GRIN1: variants seen among roughly 807,000 people sequenced by gnomAD.
GRIN1 encodes glutamate ionotropic receptor NMDA type subunit 1.
GRIN1 carries 38 observed loss-of-function variants against 103.0 expected under a neutral mutation model. That is an observed-to-expected ratio of 0.37 (90% CI 0.28 to 0.48). The LOEUF (loss-of-function observed/expected upper bound fraction) is 0.48. Among genes scored for constraint, GRIN1 ranks in the 20% least tolerant of loss-of-function variants. GRIN1 has a pLI of 0.98. For missense variants in GRIN1, 577 were observed against 1,288.9 expected, an observed-to-expected ratio of 0.45 and a Z score of 8.46; for synonymous variants, 544 against 532.7, an observed-to-expected ratio of 1.02 and a Z score of -0.29.
At chr9:137,152,552 C>T (rs1034398321) in intron 4 of GRIN1, among the ~76,000 whole-genome samples, 1 of 152,198 alleles carries the variant, frequency 6.6e-6, no homozygotes, top group Non-Finnish European at 1.5e-5. Flanking sequence ...TGCCCAGGTC[C>T]CCACAGAGAG....
intron 6 of GRIN1, among the ~76,000 whole-genome samples, chr9:137,158,178 G>A (rs932119976): frequency 2.6e-5 from 4 of 152,220 alleles, no homozygotes; most frequent in Admixed American, 6.5e-5. Flanking sequence ...CAGATACCAC[G>A]GTGTCCAGGG....
intron 18 of GRIN1, chr9:137,164,255 A>G: frequency 2.6e-6 from 1 of 385,128 alleles, no homozygotes; most frequent in Non-Finnish European, 5.0e-6. Context: ...CGTGAGTCCA[A>G]GATGCATTTT....
intron 4 of GRIN1, among the ~76,000 whole-genome samples, chr9:137,151,861 T>C (rs1242553961): frequency 6.7e-6 from 1 of 150,176 alleles, no homozygotes; most frequent in Admixed American, 6.7e-5. Context: ...AGACGGGGTT[T>C]CACCATGTTG....
chr9:137,139,418 A>G lies in GRIN1; in HGVS notation c.-69A>G. The stretch of plus-strand genomic sequence containing the variant: ...CCGGGCGAGCGCAGGACGGCCCGGA[A>G]GCCCCGCGGGGGATGCGCCGAGGGC... On this transcript the variant is annotated 5_prime_UTR_variant, in exon 1 of 20. Coordinates refer to ENST00000371561, the MANE Select transcript of GRIN1 (RefSeq NM_007327.4). This position sits in a 1 kb window ranked among gnomAD's most constrained non-coding sequence, Gnocchi z 7.7. 8.3e-7 allele frequency: 1 copy of G among 1,207,040 alleles called. No homozygotes were observed. Among genetic ancestry groups the G allele is most frequent in the Non-Finnish European group, 1.1e-6 (1 of 939,530 alleles). 74.8% of individuals were successfully genotyped at this position (1,207,040 alleles called of 1,614,324 possible). A position where few individuals can be genotyped will look rare whatever the true frequency, so the allele number is the denominator to read the frequency against.
intron 2 of GRIN1, among the ~76,000 whole-genome samples, chr9:137,142,619 C>T (rs1009386958): frequency 3.9e-5 from 6 of 152,306 alleles, no homozygotes; most frequent in Admixed American, 2.6e-4. Flanking sequence ...CCCCTCAGGA[C>T]GAGAGGGCCC....
chr9:137,161,289 C>T lies in GRIN1; in HGVS notation c.1340C>T (p.Pro447Leu), dbSNP rs587780348. 3.7e-6 allele frequency: 6 copies of T among 1,612,348 alleles called. No individual in the cohort carries two copies. Among genetic ancestry groups the T allele is most frequent in the Non-Finnish European group, 5.1e-6 (6 of 1,179,626 alleles). The change falls in exon 10 of 20, where the codon CCC (proline) becomes CTC (leucine). Residue 447 changes from proline to leucine, a missense_variant and splice_region_variant. Around this residue, in one of 9 missense-constraint regions of GRIN1, gnomAD observed 96 missense variants for 145.0 expected, o/e 0.66. Transcript: ENST00000371561. ...GCAGTTACCGCCCGCACCTACCCAG[C>T]CCGCCACACGGTGCCTCAGTGTTGC... is the stretch of plus-strand genomic sequence containing the variant. ...TGPNDTSPGS[P>L]RHTVPQCCYG...
At chr9:137,144,061 G>T (rs1449718680) in intron 2 of GRIN1, among the ~76,000 whole-genome samples, 1 of 152,176 alleles carries the variant, frequency 6.6e-6, no homozygotes, top group Non-Finnish European at 1.5e-5. Flanking sequence ...AATTTGGGAG[G>T]ACTCTATGGG....
chr9:137,145,928 G>A lies in GRIN1; in HGVS notation c.570+26G>A, dbSNP rs763297269. On this transcript the variant is annotated intron_variant, in intron 3 of 19. Coordinates refer to ENST00000371561, the MANE Select transcript of GRIN1 (RefSeq NM_007327.4). ...GTGAGGGTCGGCGCCGCGGGTGGGC[G>A]CCTGGCGGAGCCGAGGTGCAGGACG... 1.7e-5 allele frequency: 26 copies of A among 1,545,340 alleles called. No individual in the cohort carries two copies. The East Asian group carries it at 3.1e-4, about 18-fold the overall frequency.
chr9:137,142,226 A>G, intron 2 of GRIN1, 79 bp downstream of exon 2: 3 of 1,445,148 alleles, frequency 2.1e-6, no homozygotes, highest in Non-Finnish European at 2.9e-6. Flanking sequence ...CAGCGGGCCG[A>G]CCCGCTCACA....
chr9:137,160,687 C>T (rs1293051705), intron 8 of GRIN1, among the ~76,000 whole-genome samples: 2 of 152,198 alleles, frequency 1.3e-5, no homozygotes, highest in African/African-American at 4.8e-5. Flanking sequence ...GCCTCGGCCT[C>T]CCAAAGTGCT....
At chr9:137,149,195 T>G in intron 4 of GRIN1, 86 bp downstream of exon 4, 1 of 943,460 alleles carries the variant, frequency 1.1e-6, no homozygotes, top group Non-Finnish European at 1.7e-6. Context: ...TGGGACATTG[T>G]TGGGCACAGT....
chr9:137,143,916 G>A (rs764969282), intron 2 of GRIN1, among the ~76,000 whole-genome samples: 2 of 152,190 alleles, frequency 1.3e-5, no homozygotes, highest in Non-Finnish European at 2.9e-5. Context: ...CTCCACTCCC[G>A]GCCATGCCAC....
intron 4 of GRIN1, among the ~76,000 whole-genome samples, chr9:137,149,508 G>A (rs1306885984): frequency 6.6e-6 from 1 of 152,220 alleles, no homozygotes; most frequent in Non-Finnish European, 1.5e-5. Context: ...AGGCGAAAAG[G>A]CCCACAGCAG....
rs1833617930 is a variant in GRIN1, at chr9:137,162,573, C to A, written c.1865-18C>A. 1.2e-6 allele frequency: 2 copies of A among 1,610,492 alleles called. No individual in the cohort carries two copies. The highest frequency in any genetic ancestry group is 1.3e-5 in the African/African-American group (1 of 74,984). On this transcript the variant is annotated intron_variant, in intron 13 of 19. Transcript: ENST00000371561. ...CTCGGCCCTCTAGGGTCTGACAGAG[C>A]CCCCCGCCCGCCCACAGGCGCCCCC... is the stretch of plus-strand genomic sequence containing the variant.
intron 3 of GRIN1, chr9:137,148,258 C>G: frequency 2.2e-6 from 3 of 1,369,286 alleles, no homozygotes; most frequent in Non-Finnish European, 2.0e-6. Context: ...CTAGGGAGCC[C>G]TGGCCTCGGC....
chr9:137,164,851 C>T (rs1833779156), intron 18 of GRIN1: 22 of 374,774 alleles, frequency 5.9e-5, no homozygotes, highest in South Asian at 4.0e-4. Context: ...GCCTGAGGGG[C>T]AACTCCTCCA....
At chr9:137,149,501 C>T (rs1327543919) in intron 4 of GRIN1, among the ~76,000 whole-genome samples, 4 of 152,144 alleles carry the variant, frequency 2.6e-5, no homozygotes, top group Non-Finnish European at 4.4e-5. Context: ...GTGTGCCAGG[C>T]GAAAAGGCCC....
In GRIN1 at chr9:137,146,315, A is replaced by C; in HGVS notation, c.570+413A>C. ...TCTCCCCTGTACACGACCCCCACAT[A>C]CCGCCCCTGCAGGCCTGTCCCCTCC... is the stretch of plus-strand genomic sequence containing the variant. On this transcript the variant is annotated intron_variant, in intron 3 of 19. Transcript: ENST00000371561. The surrounding 1 kb of genome is among the most constrained non-coding windows in gnomAD (Gnocchi z 6.7). Among the ~76,000 whole-genome samples, 3 of 147,646 alleles carry C rather than the reference A, an allele frequency of 2.0e-5. No individual in the cohort carries two copies. The highest frequency in any genetic ancestry group is 2.5e-5 in the African/African-American group (1 of 39,508).
intron 8 of GRIN1, among the ~76,000 whole-genome samples, chr9:137,160,630 C>T (rs1833482011): frequency 6.6e-6 from 1 of 152,190 alleles, no homozygotes; most frequent in East Asian, 1.9e-4. Context: ...CGGGGTTTCA[C>T]CGTGTTAGCC....
Sources: gnomAD v4.1 joint callset for allele counts (sites outside exome capture counted in the v4.1 genomes callset) on GRCh38, gnomAD v4.1.1 for gene constraint, gnomAD v4.1.1 regional missense constraint, Gnocchi (gnomAD v3.1) non-coding constraint, MANE v1.5 for transcripts, NCBI Gene and HGNC (gene_info 2026-07-23, HGNC 2026-07-21) for gene names.